Variants in WARS2 observed in about 807,000 individuals in gnomAD.
WARS2 encodes tryptophan--tRNA ligase, mitochondrial.
Under a neutral mutation model 36.5 loss-of-function variants are expected in WARS2, and 28 were observed. The ratio of observed to expected loss-of-function variants is 0.77; its 90% CI spans 0.57 to 1.05. The LOEUF (loss-of-function observed/expected upper bound fraction) is 1.05. Ranked by LOEUF, WARS2 falls within the 50% of genes least tolerant of loss-of-function variation. The probability of loss-of-function intolerance (pLI) is 0.00; values close to 1 mark genes in which losing one functional copy is unlikely to be tolerated. For missense variants in WARS2, 435 were observed against 456.8 expected (o/e 0.95, Z 0.44); for synonymous variants, 174 against 178.4 (o/e 0.98, Z 0.20).
At chr1:119,081,325 A>G (rs587729899) in intron 1 of WARS2, among the ~76,000 whole-genome samples, 1 of 152,348 alleles carries the variant, frequency 6.6e-6, no homozygotes, top group East Asian at 1.9e-4. Flanking sequence ...TTTCAAGTGA[A>G]TAAGATCCAT....
At chr1:119,042,156 C>A in intron 4 of WARS2, 108 bp downstream of exon 4, 1 of 926,726 alleles carries the variant, frequency 1.1e-6, no homozygotes, top group Non-Finnish European at 1.7e-6. Flanking sequence ...AGATGTCTGA[C>A]GCTTTCTGCA....
In WARS2 at chr1:119,068,731, T is replaced by G. The variant is rs534164810; in HGVS notation, c.348+7619A>C. Among the ~76,000 whole-genome samples, 9 of 152,132 alleles carry G rather than the reference T, an allele frequency of 5.9e-5. 1 individual carries two copies. The East Asian group carries it at 1.7e-3, about 29-fold the overall frequency. On this transcript the variant is annotated intron_variant, in intron 2 of 5. Transcript: ENST00000235521. ...CTCAGGCCTGCTGGCTTGCTAGAAA[T>G]AAAAGACCATTAACTATGGTGTGGG...
At chr1:119,053,865 G>C (rs1050644482) in intron 2 of WARS2, among the ~76,000 whole-genome samples, 1 of 152,000 alleles carries the variant, frequency 6.6e-6, no homozygotes, top group Admixed American at 6.6e-5. Context: ...GGCAACACAA[G>C]AAGGCCCCAT....
At chr1:119,065,726 T>A (rs1650788714) in intron 2 of WARS2, among the ~76,000 whole-genome samples, 1 of 151,668 alleles carries the variant, frequency 6.6e-6, no homozygotes, top group Admixed American at 6.6e-5. Flanking sequence ...AATAGAGTAG[T>A]CTCTAACAAA....
intron 3 of WARS2, among the ~76,000 whole-genome samples, chr1:119,043,117 T>G (rs1344948185): frequency 6.6e-6 from 1 of 152,230 alleles, no homozygotes; most frequent in Non-Finnish European, 1.5e-5. Flanking sequence ...ATCCTAATGA[T>G]GCTAACTCCC....
chr1:119,118,951 AC>A (rs1229172037), intron 1 of WARS2, among the ~76,000 whole-genome samples: 1 of 152,078 alleles, frequency 6.6e-6, no homozygotes, highest in Non-Finnish European at 1.5e-5. Flanking sequence ...TTGAAACAAA[AC>A]CCCAAAATAG....
chr1:119,035,334 C>T (rs140458501), intron 4 of WARS2, among the ~76,000 whole-genome samples: 1 of 152,000 alleles, frequency 6.6e-6, no homozygotes, highest in Admixed American at 6.5e-5. Flanking sequence ...CAATATTGCT[C>T]CTGTGAAAAA....
chr1:119,036,304 T>A (rs1484455700), intron 4 of WARS2, among the ~76,000 whole-genome samples: 3 of 152,230 alleles, frequency 2.0e-5, no homozygotes, highest in Non-Finnish European at 2.9e-5. Flanking sequence ...CCACGCAGCC[T>A]GGAGTAGAAA....
At chr1:119,107,135 A>T (rs182227249) in intron 1 of WARS2, among the ~76,000 whole-genome samples, 152 of 152,066 alleles carry the variant, frequency 1.0e-3, no homozygotes, top group Non-Finnish European at 1.5e-3. Flanking sequence ...TCTTTTGCCC[A>T]TTTTTCAACT....
chr1:119,034,291 T>G, intron 4 of WARS2, 78 bp from the exon 5 acceptor site: 2 of 1,126,200 alleles, frequency 1.8e-6, no homozygotes, highest in South Asian at 1.3e-5. Flanking sequence ...GCAGCTGCAT[T>G]TCCTGTGAAT....
At chr1:119,059,715 GA>G (rs1319922175) in intron 2 of WARS2, among the ~76,000 whole-genome samples, 2 of 152,120 alleles carry the variant, frequency 1.3e-5, no homozygotes, top group African/African-American at 4.8e-5. Flanking sequence ...AATGTATGTT[GA>G]AATTTTCATT....
chr1:119,032,933 T>C lies in WARS2; in HGVS notation c.1061A>G (p.Lys354Arg). 2 of 1,611,806 alleles carry C rather than the reference T, an allele frequency of 1.2e-6. No individual in the cohort carries two copies. The highest frequency in any genetic ancestry group is 1.7e-6 in the Non-Finnish European group (2 of 1,178,214). ...TTCCTATAGAAAACCCACCAATTTC[T>C]TCACCTCCTGGCACACAGTGTATGC... ...ELAYTVCQEV[K>R]KLVGFL Residue 354 changes from lysine (K) to arginine (R), a missense_variant, in exon 6 of 6, where the codon AAG becomes AGG. Physicochemically the swap from Lys to Arg is conservative, Grantham distance 26. Transcript: ENST00000235521.
At chr1:119,049,000 C>T (rs1649108400) in intron 2 of WARS2, among the ~76,000 whole-genome samples, 1 of 152,174 alleles carries the variant, frequency 6.6e-6, no homozygotes, top group Admixed American at 6.5e-5. Flanking sequence ...GAGGCAAAGG[C>T]TGCAGTGAGC....
At chr1:119,139,305 G>GCTAATATATAAGCT (rs1289906030) in intron 1 of WARS2, among the ~76,000 whole-genome samples, 1 of 152,150 alleles carries the variant, frequency 6.6e-6, no homozygotes, top group Non-Finnish European at 1.5e-5. Flanking sequence ...TAGCTTATAA[G>GCTAATATATAAGCT]AATTTTGTGA....
At chr1:119,055,480 T>C (rs1649700172) in intron 2 of WARS2, among the ~76,000 whole-genome samples, 1 of 151,808 alleles carries the variant, frequency 6.6e-6, no homozygotes, top group African/African-American at 2.4e-5. Flanking sequence ...CCAGGCATGG[T>C]GGTACAAAAA....
At chr1:119,039,877 A>C (rs562690090) in intron 4 of WARS2, among the ~76,000 whole-genome samples, 5 of 152,300 alleles carry the variant, frequency 3.3e-5, no homozygotes, top group African/African-American at 1.2e-4. Context: ...GAAAAAAAAA[A>C]CACAGATGTT....
intron 2 of WARS2, among the ~76,000 whole-genome samples, chr1:119,061,241 G>A (rs1650353498): frequency 6.6e-6 from 1 of 152,076 alleles, no homozygotes; most frequent in African/African-American, 2.4e-5. Context: ...AACCCGAGAT[G>A]TTCCATATGT....
intron 2 of WARS2, among the ~76,000 whole-genome samples, chr1:119,075,312 G>T (rs1013585664): frequency 6.6e-6 from 1 of 152,126 alleles, no homozygotes; most frequent in Non-Finnish European, 1.5e-5. Context: ...TGTAGAGATG[G>T]TTTAAAGTAT....
chr1:119,069,963 C>G (rs925946378), intron 2 of WARS2, among the ~76,000 whole-genome samples: 2 of 152,150 alleles, frequency 1.3e-5, no homozygotes, highest in African/African-American at 4.8e-5. Context: ...AACAAGGTTC[C>G]CGCCTCATGA....
Sources: gnomAD v4.1 joint callset for allele counts (sites outside exome capture counted in the v4.1 genomes callset) on GRCh38, gnomAD v4.1.1 for gene constraint, MANE v1.5 for transcripts, NCBI Gene and HGNC (gene_info 2026-07-23, HGNC 2026-07-21) for gene names.